The following TMEM131L variants were observed in gnomAD, a reference collection of about 807,000 sequenced individuals.
TMEM131L encodes transmembrane 131 like.
A neutral mutation model predicts 192.2 loss-of-function variants in TMEM131L; 54 were observed. The observed-to-expected ratio is 0.28, with a 90% confidence interval of 0.23 to 0.35. The LOEUF (loss-of-function observed/expected upper bound fraction) is 0.35, where lower values mean the gene tolerates loss of function less well. Ranked by LOEUF, TMEM131L falls within the 10% of genes least tolerant of loss-of-function variation. The pLI is 1.00. For synonymous variants in TMEM131L, 701 were observed against 704.9 expected (o/e 0.99, Z 0.09); for missense variants, 1,888 against 1,972.9 (o/e 0.96, Z 0.82).
chr4:153,536,710 G>GTCTA (rs777949181), intron 3 of TMEM131L, among the ~76,000 whole-genome samples: 1 of 148,276 alleles, frequency 6.7e-6, no homozygotes, highest in South Asian at 2.1e-4. Flanking sequence ...CTGTCTGTCT[G>GTCTA]TCTATCTATC....
chr4:153,597,000 C>G (rs1395451545), intron 20 of TMEM131L, among the ~76,000 whole-genome samples: 3 of 152,112 alleles, frequency 2.0e-5, no homozygotes, highest in Admixed American at 1.3e-4. Flanking sequence ...TTGAAGCTCT[C>G]CTCATCAGTG....
intron 26 of TMEM131L, among the ~76,000 whole-genome samples, chr4:153,617,160 G>A (rs1327913824): frequency 6.6e-6 from 1 of 152,176 alleles, no homozygotes; most frequent in African/African-American, 2.4e-5. Context: ...AGTCTCACGA[G>A]ATCTGATGGT....
intron 19 of TMEM131L, among the ~76,000 whole-genome samples, chr4:153,595,040 C>T (rs1285555122): frequency 6.6e-6 from 1 of 152,080 alleles, no homozygotes; most frequent in Non-Finnish European, 1.5e-5. Context: ...AAGTTTTTAT[C>T]TATGACTGTT....
intron 7 of TMEM131L, among the ~76,000 whole-genome samples, chr4:153,564,287 CAAAAAAAAAAAAA>C (rs1178320668): frequency 5.7e-5 from 1 of 17,652 alleles, no homozygotes; most frequent in African/African-American, 1.4e-4. Context: ...AACTCCGTCT[CAAAAAAAAAAAAA>C]AAAAAAAAAA....
intron 3 of TMEM131L, among the ~76,000 whole-genome samples, chr4:153,512,090 CTT>C (rs142215017): frequency 6.6e-6 from 1 of 151,842 alleles, no homozygotes; most frequent in East Asian, 1.9e-4. Flanking sequence ...GTTTCCAACT[CTT>C]TTGAAAGAGT....
At chr4:153,489,131 T>C (rs1483087027) in intron 3 of TMEM131L, among the ~76,000 whole-genome samples, 5 of 152,152 alleles carry the variant, frequency 3.3e-5, no homozygotes, top group African/African-American at 1.2e-4. Flanking sequence ...CCATAACACA[T>C]AGTCCCCAGC....
At position 153,582,798 on chromosome 4, in the gene TMEM131L, TTCCAAATGTGGTTA is replaced by T. The variant is rs1730450906; in HGVS notation, c.893-383_893-370del. 2.0e-5 allele frequency among the ~76,000 whole-genome samples: 3 copies of T among 152,134 alleles called. 1 individual carries two copies. The highest frequency in any genetic ancestry group is 2.0e-4 in the Admixed American group (3 of 15,272). On this transcript the variant is annotated intron_variant, in intron 9 of 34. Transcript: ENST00000409959. ...ACCTGAGATCTCAGGATTTTCTTCT[TTCCAAATGTGGTTA>T]TCCAAATGAGGAAATGAGGAGCTTT...
chr4:153,610,317 G>A (rs965593917), intron 25 of TMEM131L, among the ~76,000 whole-genome samples: 1 of 152,234 alleles, frequency 6.6e-6, no homozygotes, highest in African/African-American at 2.4e-5. Flanking sequence ...ATAGTGATCA[G>A]CTTTGTCTCT....
chr4:153,504,871 T>C (rs1014805798), intron 3 of TMEM131L, among the ~76,000 whole-genome samples: 2 of 152,202 alleles, frequency 1.3e-5, no homozygotes, highest in Admixed American at 6.5e-5. Flanking sequence ...TGCATTCACT[T>C]GAATCTCAGC....
At chr4:153,629,676 CG>C (rs201523280) in intron 31 of TMEM131L, among the ~76,000 whole-genome samples, 2,074 of 152,274 alleles carry the variant, frequency 0.014, 17 homozygotes, top group Non-Finnish European at 0.02. Context: ...ACCGTGCTGT[CG>C]GGGTCCCTGG....
chr4:153,555,696 C>A lies in TMEM131L; in HGVS notation c.309-91C>A. The A allele has an allele frequency of 9.3e-7, 1 of 1,080,972 alleles. No homozygotes were observed. The highest frequency in any genetic ancestry group is 3.0e-5 in the East Asian group (1 of 33,868). The allele number at this position is 1,080,972 out of a possible 1,614,324, so 67.0% of individuals were successfully genotyped here. On this transcript the variant is annotated intron_variant, in intron 4 of 34. Coordinates refer to ENST00000409959, the MANE Select transcript of TMEM131L (RefSeq NM_001131007.2). The surrounding 1 kb of genome is among the most constrained non-coding windows in gnomAD (Gnocchi z 4.1). Reference sequence around the variant, plus strand: ...GCAACAGCTTTCTGGGTTTAAAAATCTGTGTGTATATATATAATAATACAT... The same window carrying A: ...GCAACAGCTTTCTGGGTTTAAAAATATGTGTGTATATATATAATAATACAT...
intron 7 of TMEM131L, among the ~76,000 whole-genome samples, chr4:153,572,040 C>CT (rs1363145341): frequency 6.0e-5 from 9 of 148,944 alleles, no homozygotes; most frequent in South Asian, 2.1e-4. Flanking sequence ...ATGTTGTTTT[C>CT]TTTTTTTTTT....
intron 33 of TMEM131L, 36 bp from the exon 34 acceptor site, chr4:153,635,396 T>C: frequency 6.9e-6 from 11 of 1,604,530 alleles, no homozygotes; most frequent in Non-Finnish European, 9.4e-6. Context: ...TCAATGAAAA[T>C]GTTTACCTAT....
chr4:153,514,581 A>G (rs915627748), intron 3 of TMEM131L, among the ~76,000 whole-genome samples: 3 of 152,236 alleles, frequency 2.0e-5, no homozygotes, highest in Admixed American at 1.3e-4. Context: ...CAATAAAACT[A>G]TGAACTAGGT....
At chr4:153,587,962 T>C in intron 15 of TMEM131L, 151 bp downstream of exon 15, 1 of 653,050 alleles carries the variant, frequency 1.5e-6, no homozygotes, top group Non-Finnish European at 2.8e-6. Flanking sequence ...GACTTAAAAT[T>C]GTTAAGAACC....
intron 3 of TMEM131L, among the ~76,000 whole-genome samples, chr4:153,537,718 C>T (rs781318396): frequency 1.2e-4 from 18 of 152,158 alleles, no homozygotes; most frequent in Non-Finnish European, 1.9e-4. Context: ...GTGCTGACCT[C>T]TTATCTCATC....
intron 32 of TMEM131L, 130 bp from the exon 33 acceptor site, chr4:153,634,062 A>G (rs750644674): frequency 1.5e-5 from 11 of 744,466 alleles, no homozygotes; most frequent in Admixed American, 4.1e-5. Context: ...TTGAGAAAGT[A>G]CATCTTTTAT....
chr4:153,508,781 A>T (rs532733297), intron 3 of TMEM131L, among the ~76,000 whole-genome samples: 1 of 150,830 alleles, frequency 6.6e-6, no homozygotes, highest in Non-Finnish European at 1.5e-5. Context: ...AGGAGCTGGG[A>T]CTACAGGCAC....
chr4:153,521,725 TC>T (rs1162301491), intron 3 of TMEM131L, among the ~76,000 whole-genome samples: 1 of 152,126 alleles, frequency 6.6e-6, no homozygotes, highest in Non-Finnish European at 1.5e-5. Flanking sequence ...CCCTTTTACT[TC>T]CGTCTCTGTG....
Sources: gnomAD v4.1 joint callset for allele counts (sites outside exome capture counted in the v4.1 genomes callset) on GRCh38, gnomAD v4.1.1 for gene constraint, Gnocchi (gnomAD v3.1) non-coding constraint, MANE v1.5 for transcripts, NCBI Gene and HGNC (gene_info 2026-07-23, HGNC 2026-07-21) for gene names.